The following MAP7 variants were observed in gnomAD, a reference collection of about 807,000 sequenced individuals.
The protein encoded by MAP7 is ensconsin.
MAP7 carries 52 observed loss-of-function variants against 94.8 expected under a neutral mutation model. The observed-to-expected ratio is 0.55, with a 90% CI of 0.44 to 0.69. MAP7 has a LOEUF of 0.69. Ranked by LOEUF, MAP7 falls within the 30% of genes least tolerant of loss-of-function variation. MAP7 has a pLI of 0.00. For missense variants in MAP7, 940 were observed against 964.6 expected (o/e 0.97, Z 0.34); for synonymous variants, 350 against 357.0 (o/e 0.98, Z 0.22).
At chr6:136,458,878 A>G (rs966406597) in intron 1 of MAP7, among the ~76,000 whole-genome samples, 6 of 152,132 alleles carry the variant, frequency 3.9e-5, no homozygotes, top group Non-Finnish European at 7.4e-5. Context: ...TCAAAAACAC[A>G]TACAATAAAA....
At chr6:136,369,052 T>C (rs1794981529) in intron 8 of MAP7, among the ~76,000 whole-genome samples, 1 of 152,220 alleles carries the variant, frequency 6.6e-6, no homozygotes, top group Non-Finnish European at 1.5e-5. Context: ...GGGATTACAG[T>C]GTGCAGATTT....
chr6:136,377,997 G>A, intron 6 of MAP7, 129 bp from the exon 7 acceptor site: 1 of 589,608 alleles, frequency 1.7e-6, no homozygotes, highest in Non-Finnish European at 3.0e-6. Flanking sequence ...AGGATGGTTG[G>A]CCAAGAGTCA....
chr6:136,390,969 ATTTT>A (rs1780532437), intron 3 of MAP7, among the ~76,000 whole-genome samples: 1 of 152,136 alleles, frequency 6.6e-6, no homozygotes, highest in Non-Finnish European at 1.5e-5. Flanking sequence ...GTTCATTTGG[ATTTT>A]AGCTTTCTTT....
At chr6:136,360,208 G>C (rs975385015) in intron 13 of MAP7, among the ~76,000 whole-genome samples, 177 bp from the exon 14 acceptor site, 1 of 149,922 alleles carries the variant, frequency 6.7e-6, no homozygotes, top group Non-Finnish European at 1.5e-5. Context: ...CTGGAGTGCC[G>C]TGTGGCAAGC....
At chr6:136,386,185 A>G (rs1779147765) in intron 5 of MAP7, among the ~76,000 whole-genome samples, 1 of 152,208 alleles carries the variant, frequency 6.6e-6, no homozygotes. Flanking sequence ...ACCATGATAG[A>G]GTACCCATCA....
intron 1 of MAP7, among the ~76,000 whole-genome samples, chr6:136,518,181 C>T (rs367840783): frequency 1.3e-5 from 2 of 152,106 alleles, no homozygotes; most frequent in East Asian, 1.9e-4. Flanking sequence ...CTTTATTAGG[C>T]CTGCAACTTT....
At chr6:136,393,978 ATTTTTTTTTT>A (rs1554242698) in intron 3 of MAP7, among the ~76,000 whole-genome samples, 1 of 36,204 alleles carries the variant, frequency 2.8e-5, no homozygotes, top group African/African-American at 7.4e-5. Flanking sequence ...CAGCAAAGGT[ATTTTTTTTTT>A]TTTTTTTTTT....
chr6:136,536,171 A>G (rs1329059999), intron 1 of MAP7, among the ~76,000 whole-genome samples: 2 of 152,160 alleles, frequency 1.3e-5, no homozygotes, highest in Non-Finnish European at 2.9e-5. Flanking sequence ...TGCATCAATA[A>G]TTTTTTTAAA....
At chr6:136,468,984 T>A (rs367785944) in intron 1 of MAP7, among the ~76,000 whole-genome samples, 17 of 152,026 alleles carry the variant, frequency 1.1e-4, no homozygotes, top group South Asian at 6.2e-4. Flanking sequence ...CAAAAACAGT[T>A]TTTTGTTGTT....
At chr6:136,347,819 C>T (rs562261322) in intron 16 of MAP7, among the ~76,000 whole-genome samples, 2 of 151,942 alleles carry the variant, frequency 1.3e-5, no homozygotes, top group African/African-American at 4.8e-5. Context: ...TCCTTTTTTA[C>T]GGAAAAAATG....
At chr6:136,356,837 C>A (rs772041234) in intron 15 of MAP7, 43 bp from the exon 16 acceptor site, 2 of 1,506,220 alleles carry the variant, frequency 1.3e-6, no homozygotes, top group South Asian at 2.3e-5. Context: ...TACTAATATT[C>A]TTTTCTTAGA....
chr6:136,429,617 T>C (rs1211425651), intron 1 of MAP7, among the ~76,000 whole-genome samples: 1 of 152,204 alleles, frequency 6.6e-6, no homozygotes, highest in Admixed American at 6.5e-5. Flanking sequence ...TCCATATATC[T>C]TGTGGGAACT....
chr6:136,360,418 T>C (rs1792248009), intron 13 of MAP7, among the ~76,000 whole-genome samples: 1 of 152,210 alleles, frequency 6.6e-6, no homozygotes, highest in Non-Finnish European at 1.5e-5. Flanking sequence ...GTGCTGGGAT[T>C]ACAGGCATGA....
chr6:136,528,604 G>A (rs1828223029), intron 1 of MAP7, among the ~76,000 whole-genome samples: 1 of 152,148 alleles, frequency 6.6e-6, no homozygotes, highest in South Asian at 2.1e-4. Context: ...CTACCTTTTG[G>A]TAAAGAAAAT....
intron 1 of MAP7, among the ~76,000 whole-genome samples, chr6:136,435,287 G>A (rs7756088): frequency 0.053 from 8,105 of 152,146 alleles, 474 homozygotes; most frequent in African/African-American, 0.14. Context: ...CTCTCCTTGC[G>A]TCCCAGGGGG....
intron 1 of MAP7, among the ~76,000 whole-genome samples, chr6:136,519,547 G>T (rs1014359545): frequency 2.6e-5 from 4 of 152,166 alleles, no homozygotes; most frequent in African/African-American, 9.7e-5. Context: ...ACAGTTGCTA[G>T]ATCATCACTT....
intron 1 of MAP7, among the ~76,000 whole-genome samples, chr6:136,490,071 C>A (rs553962099): frequency 1.1e-3 from 161 of 152,260 alleles, no homozygotes; most frequent in African/African-American, 3.6e-3. Context: ...TGAAAAGTCA[C>A]AATGAAATGC....
At chr6:136,432,839 T>A (rs1433692151) in intron 1 of MAP7, among the ~76,000 whole-genome samples, 1 of 152,230 alleles carries the variant, frequency 6.6e-6, no homozygotes, top group East Asian at 1.9e-4. Flanking sequence ...GAAAATAACA[T>A]CTAAAAAGCC....
chr6:136,520,253 CA>C (rs979455480), intron 1 of MAP7, among the ~76,000 whole-genome samples: 6 of 148,010 alleles, frequency 4.1e-5, no homozygotes, highest in African/African-American at 1.2e-4. Context: ...AAGACAACAA[CA>C]AAGAGATAAT....
Sources: allele counts gnomAD v4.1 joint callset (sites outside exome capture counted in the v4.1 genomes callset), GRCh38; gene constraint gnomAD v4.1.1; transcripts MANE v1.5; gene names NCBI Gene and HGNC (gene_info 2026-07-23, HGNC 2026-07-21).